Variants in LRRTM4 observed in about 807,000 individuals in gnomAD.
The protein encoded by LRRTM4 is leucine-rich repeat transmembrane neuronal protein 4.
LRRTM4 carries 25 observed loss-of-function variants against 47.6 expected under a neutral mutation model. The ratio of observed to expected loss-of-function variants is 0.53; its 90% CI spans 0.38 to 0.73. The LOEUF is 0.73. LRRTM4 is among the 30% of genes least tolerant of loss of function. LRRTM4 has a pLI of 0.00. For missense variants in LRRTM4, 638 were observed against 713.4 expected, an observed-to-expected ratio of 0.89 and a Z score of 1.20; for synonymous variants, 311 against 269.5, an observed-to-expected ratio of 1.15 and a Z score of -1.51.
chr2:76,766,106 G>T (rs60881718), intron 3 of LRRTM4, among the ~76,000 whole-genome samples: 1 of 152,020 alleles, frequency 6.6e-6, no homozygotes, highest in Non-Finnish European at 1.5e-5. Context: ...AAGTACCTCT[G>T]AATTTAGGGA....
intron 3 of LRRTM4, among the ~76,000 whole-genome samples, chr2:77,271,682 C>G (rs375229067): frequency 6.6e-6 from 1 of 152,190 alleles, no homozygotes; most frequent in Non-Finnish European, 1.5e-5. Context: ...CTCTAATTAA[C>G]TTTCCAGGCT....
chr2:76,971,387 T>C (rs1426335526), intron 3 of LRRTM4, among the ~76,000 whole-genome samples: 1 of 151,950 alleles, frequency 6.6e-6, no homozygotes, highest in African/African-American at 2.4e-5. Flanking sequence ...TGACAGGCAA[T>C]TGGTGAGAGG....
At chr2:77,379,150 T>C (rs555712582) in intron 3 of LRRTM4, among the ~76,000 whole-genome samples, 2 of 152,240 alleles carry the variant, frequency 1.3e-5, no homozygotes, top group South Asian at 2.1e-4. Flanking sequence ...CAAGAGTAGA[T>C]TTTATTTTAC....
chr2:76,911,983 G>A (rs1167022208), intron 3 of LRRTM4, among the ~76,000 whole-genome samples: 1 of 149,528 alleles, frequency 6.7e-6, no homozygotes, highest in Non-Finnish European at 1.5e-5. Flanking sequence ...AGGCTGGAGT[G>A]CAGTGGCCGA....
At chr2:77,061,378 GA>G (rs957806294) in intron 3 of LRRTM4, among the ~76,000 whole-genome samples, 35 of 151,618 alleles carry the variant, frequency 2.3e-4, no homozygotes, top group Admixed American at 5.3e-4. Context: ...ACCAAAATCT[GA>G]AAAAAAAGTG....
chr2:76,778,913 C>T (rs959901526), intron 3 of LRRTM4, among the ~76,000 whole-genome samples: 2 of 151,418 alleles, frequency 1.3e-5, no homozygotes, highest in African/African-American at 4.9e-5. Flanking sequence ...TATAAATTTC[C>T]CTTTACACAC....
intron 3 of LRRTM4, among the ~76,000 whole-genome samples, chr2:77,128,149 A>C (rs980875732): frequency 4.0e-5 from 6 of 151,488 alleles, no homozygotes; most frequent in South Asian, 2.1e-4. Flanking sequence ...TCTCAAAAAA[A>C]AAAACAAAAC....
intron 3 of LRRTM4, among the ~76,000 whole-genome samples, chr2:77,051,796 C>CT (rs1050949166): frequency 4.0e-5 from 6 of 151,862 alleles, no homozygotes; most frequent in South Asian, 4.2e-4. Context: ...TGAATAAAGA[C>CT]TTTTTTTTCA....
intron 3 of LRRTM4, among the ~76,000 whole-genome samples, chr2:77,223,306 G>T (rs151161273): frequency 6.6e-6 from 1 of 152,106 alleles, no homozygotes; most frequent in East Asian, 1.9e-4. Flanking sequence ...CACAAGACAG[G>T]GATGGCCTCT....
intron 3 of LRRTM4, 159 bp downstream of exon 3, chr2:77,518,159 G>T: frequency 7.8e-7 from 1 of 1,274,446 alleles, no homozygotes. Context: ...TCAATTTCCT[G>T]GTGGTTGTAA....
intron 3 of LRRTM4, among the ~76,000 whole-genome samples, chr2:77,331,378 G>A (rs1670966678): frequency 6.6e-6 from 1 of 152,122 alleles, no homozygotes. Context: ...ATTGTGCCAA[G>A]CAGTGTTGCT....
chr2:77,455,299 G>A (rs76326626), intron 3 of LRRTM4, among the ~76,000 whole-genome samples: 41 of 152,248 alleles, frequency 2.7e-4, no homozygotes, highest in South Asian at 6.2e-4. Flanking sequence ...TCAAATATTG[G>A]TTTTTATACT....
chr2:76,879,087 G>A (rs898276626), intron 3 of LRRTM4, among the ~76,000 whole-genome samples: 2 of 152,170 alleles, frequency 1.3e-5, no homozygotes, highest in Non-Finnish European at 2.9e-5. Context: ...TTCCATAAAA[G>A]TGCAAGGTGA....
chr2:77,322,707 T>A (rs1318167988), intron 3 of LRRTM4, among the ~76,000 whole-genome samples: 1 of 150,930 alleles, frequency 6.6e-6, no homozygotes, highest in African/African-American at 2.4e-5. Flanking sequence ...GATGCCAAAG[T>A]TTGTTTTAAA....
intron 3 of LRRTM4, chr2:76,985,959 G>A (rs1362509244): frequency 6.6e-6 from 1 of 151,980 alleles, no homozygotes; most frequent in African/African-American, 2.4e-5. Context: ...GAACCACTGA[G>A]ATCGCAATTC....
At chr2:77,305,666 G>A (rs577741585) in intron 3 of LRRTM4, among the ~76,000 whole-genome samples, 4 of 152,068 alleles carry the variant, frequency 2.6e-5, no homozygotes, top group South Asian at 2.1e-4. Context: ...TCTTCAAATC[G>A]TTGCTTTGTT....
At chr2:76,942,284 T>C (rs1421446854) in intron 3 of LRRTM4, among the ~76,000 whole-genome samples, 1 of 152,186 alleles carries the variant, frequency 6.6e-6, no homozygotes, top group Non-Finnish European at 1.5e-5. Flanking sequence ...TGATAGTTTC[T>C]TTTGCTGTGC....
At chr2:77,375,785 A>G (rs886980959) in intron 3 of LRRTM4, among the ~76,000 whole-genome samples, 1 of 151,772 alleles carries the variant, frequency 6.6e-6, no homozygotes, top group Admixed American at 6.6e-5. Flanking sequence ...CCAATTTTGA[A>G]TAGTATTCAT....
chr2:76,978,347 T>G (rs1676486604), intron 3 of LRRTM4, among the ~76,000 whole-genome samples: 1 of 152,082 alleles, frequency 6.6e-6, no homozygotes, highest in Non-Finnish European at 1.5e-5. Context: ...CATGCTTGGC[T>G]TAAGTTGAAG....
Sources: gnomAD v4.1 joint callset for allele counts (sites outside exome capture counted in the v4.1 genomes callset) on GRCh38, gnomAD v4.1.1 for gene constraint, MANE v1.5 for transcripts, NCBI Gene and HGNC (gene_info 2026-07-23, HGNC 2026-07-21) for gene names.